The following ENTREP2 variants were observed in gnomAD, a reference collection of about 807,000 sequenced individuals.
ENTREP2 encodes protein ENTREP2.
At chr15:29,203,399 C>T in the ENTREP2 span, among the ~76,000 whole-genome samples, 6 of 152,260 alleles carry the variant, frequency 3.9e-5, no homozygotes, top group Middle Eastern at 3.4e-3. Context: ...GAGACTCTGT[C>T]TTGAAAACAA....
the ENTREP2 span, among the ~76,000 whole-genome samples, chr15:29,456,117 G>A: frequency 6.6e-6 from 1 of 151,244 alleles, no homozygotes; most frequent in Admixed American, 6.6e-5. Flanking sequence ...CCCTGTCCAT[G>A]GAAAAATTGT....
the ENTREP2 span, among the ~76,000 whole-genome samples, chr15:29,541,062 G>A: frequency 3.3e-5 from 5 of 152,144 alleles, no homozygotes; most frequent in South Asian, 2.1e-4. Flanking sequence ...CTTTGTCATC[G>A]CTATGGCTCG....
chr15:29,621,810 C>T, the ENTREP2 span, among the ~76,000 whole-genome samples: 1 of 152,076 alleles, frequency 6.6e-6, no homozygotes, highest in East Asian at 1.9e-4. Context: ...GATATTTGTA[C>T]ACTGCGTTCG....
At chr15:29,322,743 G>A in the ENTREP2 span, among the ~76,000 whole-genome samples, 1 of 152,154 alleles carries the variant, frequency 6.6e-6, no homozygotes, top group Non-Finnish European at 1.5e-5. Flanking sequence ...CGTGCAACAC[G>A]TGGATTCAGT....
At chr15:29,196,450 CG>C in the ENTREP2 span, 1 of 1,551,678 alleles carries the variant, frequency 6.4e-7, no homozygotes, top group East Asian at 2.4e-5. Flanking sequence ...AGCCTCACAG[CG>C]TTGCAGTTCT....
the ENTREP2 span, among the ~76,000 whole-genome samples, chr15:29,303,767 T>G: frequency 6.6e-6 from 1 of 152,148 alleles, no homozygotes; most frequent in Non-Finnish European, 1.5e-5. Flanking sequence ...GTTCTTGCAT[T>G]AATTTGCTTA....
chr15:29,136,218 C>CTTCG, the ENTREP2 span: 1 of 786,218 alleles, frequency 1.3e-6, no homozygotes, highest in Non-Finnish European at 1.9e-6. Flanking sequence ...TGAATGCATC[C>CTTCG]GGGGGCCTCG....
the ENTREP2 span, among the ~76,000 whole-genome samples, chr15:29,365,297 G>A: frequency 6.7e-6 from 1 of 148,264 alleles, no homozygotes. Flanking sequence ...CTGTTGCCCA[G>A]GCTGGAGTGC....
the ENTREP2 span, among the ~76,000 whole-genome samples, chr15:29,411,996 G>A: frequency 1.3e-5 from 2 of 152,246 alleles, no homozygotes; most frequent in South Asian, 2.1e-4. Flanking sequence ...AGTCTTATAC[G>A]TGGTAGCATA....
chr15:29,148,187 G>A, the ENTREP2 span, among the ~76,000 whole-genome samples: 1 of 152,122 alleles, frequency 6.6e-6, no homozygotes, highest in Non-Finnish European at 1.5e-5. Flanking sequence ...GTCTCTCTTG[G>A]GGATAATAAA....
At chr15:29,444,313 T>C in the ENTREP2 span, among the ~76,000 whole-genome samples, 1 of 151,894 alleles carries the variant, frequency 6.6e-6, no homozygotes, top group African/African-American at 2.4e-5. Context: ...GCTCAGCAAA[T>C]CTACATTTTA....
chr15:29,527,175 C>T, the ENTREP2 span, among the ~76,000 whole-genome samples: 1 of 152,152 alleles, frequency 6.6e-6, no homozygotes, highest in Non-Finnish European at 1.5e-5. Context: ...CCAGGCCATG[C>T]CCCCGTTTCT....
At chr15:29,527,376 GC>G in the ENTREP2 span, among the ~76,000 whole-genome samples, 2 of 152,210 alleles carry the variant, frequency 1.3e-5, no homozygotes, top group African/African-American at 4.8e-5. Context: ...TTCACATGAT[GC>G]CCCCCAGCCA....
the ENTREP2 span, among the ~76,000 whole-genome samples, chr15:29,428,219 T>C: frequency 2.0e-5 from 3 of 152,118 alleles, no homozygotes; most frequent in Non-Finnish European, 2.9e-5. Flanking sequence ...CATACTTCCA[T>C]GTTTGTTTGT....
the ENTREP2 span, chr15:29,234,132 T>C: frequency 3.2e-6 from 5 of 1,546,634 alleles, no homozygotes; most frequent in Non-Finnish European, 3.6e-6. Flanking sequence ...ACATTGGGAC[T>C]CTGCTCTCCA....
At chr15:29,287,560 T>C in the ENTREP2 span, among the ~76,000 whole-genome samples, 1 of 152,166 alleles carries the variant, frequency 6.6e-6, no homozygotes, top group East Asian at 1.9e-4. Context: ...AAAGTAGAAA[T>C]ATATCTAATG....
the ENTREP2 span, among the ~76,000 whole-genome samples, chr15:29,480,774 C>T: frequency 6.6e-6 from 1 of 152,160 alleles, no homozygotes; most frequent in Non-Finnish European, 1.5e-5. Context: ...CCGGGCAACT[C>T]TGACTTTCCG....
At chr15:29,200,773 G>A in the ENTREP2 span, among the ~76,000 whole-genome samples, 2 of 152,068 alleles carry the variant, frequency 1.3e-5, no homozygotes, top group Non-Finnish European at 2.9e-5. Flanking sequence ...TATTGGCCAG[G>A]CTGGTCTTGG....
chr15:29,374,876 T>C, the ENTREP2 span: 1 of 152,196 alleles, frequency 6.6e-6, no homozygotes, highest in Non-Finnish European at 1.5e-5. Flanking sequence ...TCTCATCCAG[T>C]GAATTTTTTT....
Sources: allele counts gnomAD v4.1 joint callset (sites outside exome capture counted in the v4.1 genomes callset), GRCh38; gene constraint gnomAD v4.1.1; transcripts MANE v1.5; gene names NCBI Gene and HGNC (gene_info 2026-07-23, HGNC 2026-07-21).